LRRC4C: variants seen among roughly 807,000 people sequenced by gnomAD.
The protein encoded by LRRC4C is leucine-rich repeat-containing protein 4C.
Under a neutral mutation model 33.6 loss-of-function variants are expected in LRRC4C, and 5 were observed. The observed-to-expected ratio is 0.15, with a 90% CI of 0.08 to 0.31. LRRC4C has a LOEUF of 0.31. Ranked by LOEUF, LRRC4C falls within the 10% of genes least tolerant of loss-of-function variation. The pLI is 1.00. For missense variants in LRRC4C, 560 were observed against 796.7 expected, an observed-to-expected ratio of 0.70 and a Z score of 3.58; for synonymous variants, 329 against 302.0, an observed-to-expected ratio of 1.09 and a Z score of -0.93.
At chr11:40,927,022 CA>C (rs1331906664) in intron 2 of LRRC4C, among the ~76,000 whole-genome samples, 1 of 151,972 alleles carries the variant, frequency 6.6e-6, no homozygotes, top group Non-Finnish European at 1.5e-5. Flanking sequence ...ATAAAATAAG[CA>C]AATTTGGATA....
intron 3 of LRRC4C, among the ~76,000 whole-genome samples, chr11:40,433,560 A>G (rs1951021083): frequency 6.6e-6 from 1 of 152,172 alleles, no homozygotes; most frequent in Non-Finnish European, 1.5e-5. Flanking sequence ...AAAAAAAATT[A>G]GATAGTTACT....
chr11:40,777,716 C>T (rs1950063265), intron 2 of LRRC4C, among the ~76,000 whole-genome samples: 1 of 151,032 alleles, frequency 6.6e-6, no homozygotes, highest in Non-Finnish European at 1.5e-5. Flanking sequence ...GAGATGGAGT[C>T]TTTCTCTGTC....
At chr11:40,928,237 G>A (rs1957475454) in intron 2 of LRRC4C, among the ~76,000 whole-genome samples, 1 of 150,482 alleles carries the variant, frequency 6.6e-6, no homozygotes, top group South Asian at 2.1e-4. Flanking sequence ...AGCATCCCTT[G>A]CCATATGTGT....
At chr11:41,367,309 T>G (rs554445165) in intron 1 of LRRC4C, among the ~76,000 whole-genome samples, 2 of 152,232 alleles carry the variant, frequency 1.3e-5, no homozygotes, top group South Asian at 2.1e-4. Flanking sequence ...TGGAAATTCA[T>G]ATTTCCTGGG....
intron 3 of LRRC4C, among the ~76,000 whole-genome samples, chr11:40,601,230 C>G (rs1467021126): frequency 6.6e-6 from 1 of 152,096 alleles, no homozygotes; most frequent in African/African-American, 2.4e-5. Flanking sequence ...TTTACTTATC[C>G]ACCTTCAGAC....
intron 1 of LRRC4C, among the ~76,000 whole-genome samples, chr11:41,127,721 T>C (rs912279311): frequency 7.9e-5 from 7 of 88,732 alleles, no homozygotes; most frequent in African/African-American, 2.5e-4. Context: ...TGCTTGAGTC[T>C]TCAGTGCTCT....
intron 5 of LRRC4C, among the ~76,000 whole-genome samples, chr11:40,169,360 A>G (rs1462540906): frequency 6.6e-6 from 1 of 152,158 alleles, no homozygotes; most frequent in Non-Finnish European, 1.5e-5. Context: ...ATGTGTATAT[A>G]TTATTTTAAA....
At chr11:40,200,325 C>T (rs917316253) in intron 5 of LRRC4C, among the ~76,000 whole-genome samples, 1 of 151,776 alleles carries the variant, frequency 6.6e-6, no homozygotes, top group Non-Finnish European at 1.5e-5. Context: ...GATCGCGCCA[C>T]TGCACTCCAG....
intron 3 of LRRC4C, among the ~76,000 whole-genome samples, chr11:40,498,670 T>C (rs1377086870): frequency 6.6e-6 from 1 of 152,198 alleles, no homozygotes; most frequent in Non-Finnish European, 1.5e-5. Flanking sequence ...TGACTCAGAA[T>C]AAATGCAAAA....
At chr11:40,633,016 G>T (rs1963597149) in intron 3 of LRRC4C, among the ~76,000 whole-genome samples, 1 of 151,992 alleles carries the variant, frequency 6.6e-6, no homozygotes, top group Admixed American at 6.6e-5. Context: ...GCTACTTTGG[G>T]TTTTTTTCTT....
chr11:40,912,111 G>A (rs1001561077), intron 2 of LRRC4C, among the ~76,000 whole-genome samples: 6 of 152,158 alleles, frequency 3.9e-5, no homozygotes, highest in African/African-American at 1.4e-4. Context: ...AACAAAGTTG[G>A]AAAACACTCT....
chr11:41,442,532 C>A (rs1955665339), intron 1 of LRRC4C, among the ~76,000 whole-genome samples: 2 of 123,980 alleles, frequency 1.6e-5, no homozygotes, highest in African/African-American at 6.2e-5. Flanking sequence ...TGCAGTGGCA[C>A]AATCTCGGCT....
At chr11:41,318,593 C>G (rs577392518) in intron 1 of LRRC4C, among the ~76,000 whole-genome samples, 4 of 152,330 alleles carry the variant, frequency 2.6e-5, no homozygotes, top group Admixed American at 2.6e-4. Flanking sequence ...TCTTTGCCCA[C>G]TTTTGCTCTG....
At chr11:41,165,917 G>A (rs142942771) in intron 1 of LRRC4C, among the ~76,000 whole-genome samples, 4,979 of 151,944 alleles carry the variant, frequency 0.033, 115 homozygotes, top group East Asian at 0.07. Flanking sequence ...TGTAATCCCA[G>A]CTACTCAGGA....
At chr11:40,830,695 G>T (rs1043817091) in intron 2 of LRRC4C, among the ~76,000 whole-genome samples, 1 of 152,100 alleles carries the variant, frequency 6.6e-6, no homozygotes, top group Admixed American at 6.6e-5. Flanking sequence ...TACCCTTCAT[G>T]CCGACGTACA....
chr11:40,328,351 C>T (rs1946193190), intron 3 of LRRC4C, among the ~76,000 whole-genome samples: 1 of 152,162 alleles, frequency 6.6e-6, no homozygotes, highest in Non-Finnish European at 1.5e-5. Flanking sequence ...TCATTACTAT[C>T]ACCTGAAGTA....
intron 4 of LRRC4C, among the ~76,000 whole-genome samples, chr11:40,307,169 C>CA (rs1335069333): frequency 1.3e-5 from 2 of 152,072 alleles, no homozygotes; most frequent in African/African-American, 4.8e-5. Flanking sequence ...CCTCACCCCC[C>CA]ATTATGACAA....
At chr11:41,240,546 A>G (rs557379483) in intron 1 of LRRC4C, among the ~76,000 whole-genome samples, 2 of 152,330 alleles carry the variant, frequency 1.3e-5, no homozygotes, top group East Asian at 3.9e-4. Context: ...TACAAGTGAG[A>G]ATCTGCATTA....
intron 1 of LRRC4C, among the ~76,000 whole-genome samples, chr11:41,109,389 T>G (rs1422376099): frequency 6.6e-6 from 1 of 152,004 alleles, no homozygotes; most frequent in Admixed American, 6.6e-5. Flanking sequence ...TTGAAGAAAT[T>G]GTCATGATGG....
Sources: allele counts gnomAD v4.1 joint callset (sites outside exome capture counted in the v4.1 genomes callset), GRCh38; gene constraint gnomAD v4.1.1; transcripts MANE v1.5; gene names NCBI Gene and HGNC (gene_info 2026-07-23, HGNC 2026-07-21).